HAAO: variants seen among roughly 807,000 people sequenced by gnomAD.
HAAO encodes the protein 3-hydroxyanthranilate 3,4-dioxygenase.
In HAAO, 49 loss-of-function variants were observed where a neutral mutation model predicts 46.2. The ratio of observed to expected loss-of-function variants is 1.06; its 90% CI spans 0.84 to 1.34. The LOEUF (loss-of-function observed/expected upper bound fraction) is 1.34, where lower values mean the gene tolerates loss of function less well. HAAO is among the 40% of genes most tolerant of loss of function. The pLI is 0.00. For missense variants in HAAO, 408 were observed against 364.5 expected (o/e 1.12, Z -0.97); for synonymous variants, 157 against 145.2 (o/e 1.08, Z -0.58).
In HAAO at chr2:42,783,362, C is replaced by T; in HGVS notation, c.302G>A (p.Gly101Glu). Residue 101 changes from glycine (G) to glutamate (E), a missense_variant, in exon 4 of 10, where the codon GGG (glycine) becomes GAG (glutamate). By Grantham distance (98) the Gly-to-Glu change is moderately conservative. Coordinates refer to ENST00000294973, the MANE Select transcript of HAAO (RefSeq NM_012205.3). ...HSPQRFANTV[G>E]LVVERRRLET... ...CAGCCGCCTTCGCTCAACCACCAGC[C>T]CCACGGTGTTGGCAAACCTCTGTGG... The T allele has an allele frequency of 6.2e-7, 1 of 1,613,566 alleles. No individual in the cohort carries two copies. The highest frequency in any genetic ancestry group is 8.5e-7 in the Non-Finnish European group (1 of 1,179,734).
intron 2 of HAAO, among the ~76,000 whole-genome samples, chr2:42,787,118 C>T (rs1212730734): frequency 8.5e-5 from 13 of 152,214 alleles, no homozygotes; most frequent in African/African-American, 3.1e-4. Flanking sequence ...GGCGTCCCTC[C>T]AGAGTGAGGA....
chr2:42,783,879 G>A lies in HAAO; in HGVS notation c.160-12C>T, dbSNP rs752839172. 23 of 1,604,498 alleles carry A rather than the reference G, an allele frequency of 1.4e-5. 1 individual carries two copies. The South Asian group carries it at 2.5e-4, about 17-fold the overall frequency. On this transcript the variant is annotated splice_polypyrimidine_tract_variant and intron_variant, in intron 2 of 9. Transcript: ENST00000294973. The stretch of plus-strand genomic sequence containing the variant: ...AGCTGGTAAAATACCTGTGGGACAG[G>A]AGAGAGGCTTGGACCCTCCGCACTT...
intron 7 of HAAO, among the ~76,000 whole-genome samples, chr2:42,768,751 A>G (rs572663685): frequency 2.0e-5 from 3 of 152,250 alleles, no homozygotes; most frequent in Admixed American, 6.5e-5. Flanking sequence ...CCCTGCTTCA[A>G]TACTTTGGTG....
chr2:42,788,746 C>A, intron 1 of HAAO, 139 bp from the exon 2 acceptor site: 1 of 681,054 alleles, frequency 1.5e-6, no homozygotes. Flanking sequence ...GTCCCTGTTC[C>A]CCAACTCTCA....
At chr2:42,778,195 G>C (rs113257425) in intron 4 of HAAO, among the ~76,000 whole-genome samples, 1,626 of 150,946 alleles carry the variant, frequency 0.011, 34 homozygotes, top group African/African-American at 0.038. Context: ...GGTTGCTTAG[G>C]AAAAAAACTG....
intron 1 of HAAO, among the ~76,000 whole-genome samples, chr2:42,790,360 G>A (rs1277537512): frequency 2.0e-5 from 3 of 151,878 alleles, no homozygotes; most frequent in African/African-American, 2.4e-5. Context: ...GAGGGAAGCC[G>A]CAAGGAACTT....
intron 1 of HAAO, among the ~76,000 whole-genome samples, chr2:42,791,346 G>A (rs1672784621): frequency 6.6e-6 from 1 of 152,192 alleles, no homozygotes; most frequent in Non-Finnish European, 1.5e-5. Flanking sequence ...ACCTCAGGGG[G>A]AGCGAAGGGA....
chr2:42,769,650 A>T (rs1369564421), intron 7 of HAAO, 63 bp downstream of exon 7: 1 of 1,432,472 alleles, frequency 7.0e-7, no homozygotes, highest in Non-Finnish European at 9.6e-7. Flanking sequence ...TGAGAGAGAG[A>T]CTGGTTCCCA....
At chr2:42,791,153 G>A (rs1283623583) in intron 1 of HAAO, among the ~76,000 whole-genome samples, 1 of 152,192 alleles carries the variant, frequency 6.6e-6, no homozygotes, top group Non-Finnish European at 1.5e-5. Context: ...AGTAGGGTGA[G>A]CCCCTGATCC....
chr2:42,783,339 G>T lies in HAAO; in HGVS notation c.325C>A (p.Leu109Met), dbSNP rs780245910. ...CTGAGCCCATCTAGCTCGGTCTCCA[G>T]CCGCCTTCGCTCAACCACCAGCCCC... ...TVGLVVERRR[L>M]ETELDGLRYY... Residue 109 changes from leucine (L) to methionine (M), a missense_variant, in exon 4 of 10, where the codon CTG becomes ATG. Transcript: ENST00000294973. The T allele has an allele frequency of 6.2e-7, 1 of 1,611,950 alleles. No homozygotes were observed.
At chr2:42,785,619 G>C (rs1203610591) in intron 2 of HAAO, among the ~76,000 whole-genome samples, 1 of 152,078 alleles carries the variant, frequency 6.6e-6, no homozygotes, top group Non-Finnish European at 1.5e-5. Flanking sequence ...TGTAATCCTA[G>C]CACTTTGGGA....
At chr2:42,769,949 T>C in intron 6 of HAAO, 91 bp from the exon 7 acceptor site, 1 of 1,356,474 alleles carries the variant, frequency 7.4e-7, no homozygotes, top group Non-Finnish European at 1.0e-6. Flanking sequence ...CAGGTCTCAA[T>C]TGCCAGAACA....
chr2:42,786,686 C>A (rs1475826999), intron 2 of HAAO, among the ~76,000 whole-genome samples: 1 of 152,122 alleles, frequency 6.6e-6, no homozygotes, highest in African/African-American at 2.4e-5. Flanking sequence ...TGCCTCTGGC[C>A]CCCCTGCACC....
chr2:42,779,284 T>C (rs1558667841), intron 4 of HAAO, among the ~76,000 whole-genome samples: 1 of 152,114 alleles, frequency 6.6e-6, no homozygotes, highest in Non-Finnish European at 1.5e-5. Context: ...TTATATCTTA[T>C]GGTCAAGATA....
intron 6 of HAAO, 43 bp from the exon 7 acceptor site, chr2:42,769,901 G>A (rs1670976252): frequency 1.3e-6 from 2 of 1,549,232 alleles, no homozygotes; most frequent in Non-Finnish European, 1.7e-6. Context: ...TCAGGACCCA[G>A]CCCACCCAGC....
intron 2 of HAAO, among the ~76,000 whole-genome samples, chr2:42,786,761 G>C (rs1030883236): frequency 6.6e-6 from 1 of 152,212 alleles, no homozygotes; most frequent in Non-Finnish European, 1.5e-5. Context: ...GGGGAGTGGG[G>C]AGCCGGGCCA....
Position 42,792,479 on chromosome 2 carries a change from G to A in HAAO, c.58C>T (p.Pro20Ser). 4 of 1,589,772 alleles carry A rather than the reference G, an allele frequency of 2.5e-6. No homozygotes were observed. The highest frequency in any genetic ancestry group is 3.4e-6 in the Non-Finnish European group (4 of 1,168,502). Residue 20 changes from proline (P) to serine (S), a missense_variant, in exon 1 of 10, where the codon CCC becomes TCC. Coordinates refer to ENST00000294973, the MANE Select transcript of HAAO (RefSeq NM_012205.3). ...WVKENRGSFQ[P>S]PVCNKLMHQE... ...CACATGAGCTTGTTGCAGACCGGGG[G>A]CTGGAAGGAGCCCCGGTTCTCCTTC...
chr2:42,773,254 G>A (rs1053820690), intron 4 of HAAO, among the ~76,000 whole-genome samples: 6 of 152,182 alleles, frequency 3.9e-5, no homozygotes, highest in African/African-American at 7.2e-5. Flanking sequence ...AGGATCGCTG[G>A]GAAGATTCAA....
rs1670720968 is a variant in HAAO, at chr2:42,767,094, T to TA, written c.*342_*343insT. ...CTGCGGCAGACCCCCAGGTGTGCGT[T>TA]CCTCAGGAAGCCTTTATTGAGGGCC... On this transcript the variant is annotated 3_prime_UTR_variant, in exon 10 of 10. Transcript: ENST00000294973. 1 of 408,912 alleles carries TA rather than the reference T, an allele frequency of 2.4e-6. No individual in the cohort carries two copies. Among genetic ancestry groups the TA allele is most frequent in the African/African-American group, 2.0e-5 (1 of 49,608 alleles). The allele number at this position is 408,912 out of a possible 1,614,324, so 25.3% of individuals were successfully genotyped here.
Sources: gnomAD v4.1 joint callset for allele counts (sites outside exome capture counted in the v4.1 genomes callset) on GRCh38, gnomAD v4.1.1 for gene constraint, MANE v1.5 for transcripts, NCBI Gene and HGNC (gene_info 2026-07-23, HGNC 2026-07-21) for gene names.